NSMCE2: variants seen among roughly 807,000 people sequenced by gnomAD.
NSMCE2 encodes E3 SUMO-protein ligase NSE2.
A neutral mutation model predicts 23.8 loss-of-function variants in NSMCE2; 24 were observed. That is an observed-to-expected ratio of 1.01 (90% CI 0.73 to 1.42). The LOEUF (loss-of-function observed/expected upper bound fraction) is 1.42. NSMCE2 is among the 40% of genes most tolerant of loss of function. The probability of loss-of-function intolerance (pLI) is 0.00; values close to 1 mark genes in which losing one functional copy is unlikely to be tolerated. For synonymous variants in NSMCE2, 92 were observed against 94.1 expected (o/e 0.98, Z 0.13); for missense variants, 284 against 296.5 (o/e 0.96, Z 0.31).
chr8:125,126,319 C>T (rs921863472), intron 3 of NSMCE2, among the ~76,000 whole-genome samples: 4 of 150,482 alleles, frequency 2.7e-5, no homozygotes, highest in Non-Finnish European at 5.9e-5. Flanking sequence ...TGCAGTGAGC[C>T]GAGATTGCGC....
At chr8:125,235,585 A>G (rs534591621) in intron 5 of NSMCE2, among the ~76,000 whole-genome samples, 2 of 152,348 alleles carry the variant, frequency 1.3e-5, no homozygotes, top group East Asian at 1.9e-4. Flanking sequence ...GTTATATTTT[A>G]TACACATATA....
intron 5 of NSMCE2, among the ~76,000 whole-genome samples, chr8:125,325,908 C>G (rs1367287196): frequency 6.6e-6 from 1 of 152,092 alleles, no homozygotes; most frequent in Non-Finnish European, 1.5e-5. Flanking sequence ...GCCAAGATTG[C>G]GGCACTGTAC....
chr8:125,111,256 T>C lies in NSMCE2; in HGVS notation c.157+8769T>C, dbSNP rs539073010. 1.6e-4 allele frequency among the ~76,000 whole-genome samples: 25 copies of C among 152,352 alleles called. No homozygotes were observed. In the South Asian group the frequency reaches 2.1e-3, roughly 13 times the overall value. On this transcript the variant is annotated intron_variant, in intron 3 of 7. Transcript: ENST00000287437. ...AAATTACATGGTCAGGGACATTTAC[T>C]GCCCTCATGAATAACTGACCTTTTA...
intron 5 of NSMCE2, among the ~76,000 whole-genome samples, chr8:125,272,347 C>T (rs988870309): frequency 4.0e-5 from 6 of 151,716 alleles, no homozygotes; most frequent in African/African-American, 1.5e-4. Flanking sequence ...CACACTTACA[C>T]TAGAAGTTTA....
At chr8:125,226,818 C>G (rs1219118135) in intron 5 of NSMCE2, among the ~76,000 whole-genome samples, 1 of 152,112 alleles carries the variant, frequency 6.6e-6, no homozygotes, top group South Asian at 2.1e-4. Flanking sequence ...TTACTCCTCC[C>G]TGTTTGACAG....
At chr8:125,261,343 C>T (rs1826683940) in intron 5 of NSMCE2, among the ~76,000 whole-genome samples, 1 of 152,190 alleles carries the variant, frequency 6.6e-6, no homozygotes, top group African/African-American at 2.4e-5. Context: ...AAAACTCCAG[C>T]TAGGTATTCA....
At chr8:125,183,317 A>G (rs1000414239) in intron 5 of NSMCE2, among the ~76,000 whole-genome samples, 2 of 152,144 alleles carry the variant, frequency 1.3e-5, no homozygotes, top group Non-Finnish European at 2.9e-5. Flanking sequence ...TAAGTTTCAC[A>G]ATTTGGAATG....
chr8:125,125,389 C>T (rs754297115), intron 3 of NSMCE2, among the ~76,000 whole-genome samples: 14 of 152,200 alleles, frequency 9.2e-5, no homozygotes, highest in Non-Finnish European at 1.6e-4. Flanking sequence ...GCTTCAAGCA[C>T]TTCCATCTAT....
chr8:125,249,817 CATT>C (rs901866784), intron 5 of NSMCE2, among the ~76,000 whole-genome samples: 2 of 151,900 alleles, frequency 1.3e-5, no homozygotes, highest in South Asian at 2.1e-4. Context: ...TGATGGTGAT[CATT>C]ATTATTATTA....
At chr8:125,239,600 C>G (rs1197088571) in intron 5 of NSMCE2, among the ~76,000 whole-genome samples, 1 of 108,826 alleles carries the variant, frequency 9.2e-6, no homozygotes, top group African/African-American at 4.5e-5. Context: ...CAGAGCAAGA[C>G]TCTGTCTCAA....
chr8:125,159,334 A>G (rs1322503254), intron 4 of NSMCE2, among the ~76,000 whole-genome samples: 1 of 152,240 alleles, frequency 6.6e-6, no homozygotes, highest in African/African-American at 2.4e-5. Flanking sequence ...GGGGCCATAC[A>G]TATGATGGTG....
chr8:125,279,713 T>TAA (rs1240589591), intron 5 of NSMCE2, among the ~76,000 whole-genome samples: 4 of 152,254 alleles, frequency 2.6e-5, no homozygotes, highest in Non-Finnish European at 5.9e-5. Flanking sequence ...TCATCTTGAT[T>TAA]ATTAGGAAAT....
chr8:125,263,497 C>T (rs537200716), intron 5 of NSMCE2, among the ~76,000 whole-genome samples: 9 of 152,252 alleles, frequency 5.9e-5, no homozygotes, highest in African/African-American at 2.2e-4. Context: ...TGCCTGTAAT[C>T]CCAATACTTT....
At chr8:125,189,060 C>G (rs1249992168) in intron 5 of NSMCE2, among the ~76,000 whole-genome samples, 1 of 152,212 alleles carries the variant, frequency 6.6e-6, no homozygotes, top group African/African-American at 2.4e-5. Flanking sequence ...TTGCCTTCAT[C>G]CTGATACTAT....
At chr8:125,324,613 T>G (rs1466282546) in intron 5 of NSMCE2, among the ~76,000 whole-genome samples, 1 of 49,174 alleles carries the variant, frequency 2.0e-5, no homozygotes, top group African/African-American at 3.8e-5. Flanking sequence ...CTGGCTCTGT[T>G]GCCCAGGCTG....
chr8:125,342,913 C>T (rs1830299212), intron 5 of NSMCE2, among the ~76,000 whole-genome samples: 1 of 152,192 alleles, frequency 6.6e-6, no homozygotes, highest in African/African-American at 2.4e-5. Context: ...ACTAGATTTG[C>T]ACCCTCGGGC....
At position 125,165,994 on chromosome 8, in the gene NSMCE2, T is replaced by C. The variant is rs551080725; in HGVS notation, c.264+14717T>C. Among the ~76,000 whole-genome samples the C allele has an allele frequency of 3.1e-3, 466 of 152,172 alleles. 3 individuals carry two copies. The highest frequency in any genetic ancestry group is 0.011 in the African/African-American group (449 of 41,514). On this transcript the variant is annotated intron_variant, in intron 4 of 7. Transcript: ENST00000287437. ...AAAGAGCATTAATAAACTGATGGAG[T>C]ATTAATAATTTCATAATCTTTATTG...
In NSMCE2 at chr8:125,273,201, C is replaced by T. The variant is rs79734530; in HGVS notation, c.419-84018C>T. Among the ~76,000 whole-genome samples, 684 of 152,238 alleles carry T rather than the reference C, an allele frequency of 4.5e-3. 2 individuals carry two copies. Among genetic ancestry groups the T allele is most frequent in the Non-Finnish European group, 7.4e-3 (500 of 68,016 alleles). ...TTGAGGTGTTACAGCCTATTAAAGA[C>T]GCCAGTGAGACATTTTGGTATTGAG... On this transcript the variant is annotated intron_variant, in intron 5 of 7. Coordinates refer to ENST00000287437, the MANE Select transcript of NSMCE2 (RefSeq NM_173685.4).
intron 3 of NSMCE2, among the ~76,000 whole-genome samples, chr8:125,142,890 C>A (rs1407578076): frequency 1.3e-5 from 2 of 152,204 alleles, no homozygotes; most frequent in African/African-American, 2.4e-5. Flanking sequence ...GCATGGGCCA[C>A]CACACCCAGC....
Sources: allele counts gnomAD v4.1 joint callset (sites outside exome capture counted in the v4.1 genomes callset), GRCh38; gene constraint gnomAD v4.1.1; transcripts MANE v1.5; gene names NCBI Gene and HGNC (gene_info 2026-07-23, HGNC 2026-07-21).